KIRREL3: variants seen among roughly 807,000 people sequenced by gnomAD.
KIRREL3 encodes kirre like nephrin family adhesion molecule 3.
In KIRREL3, 36 loss-of-function variants were observed where a neutral mutation model predicts 89.7. The observed-to-expected ratio is 0.40, with a 90% CI of 0.31 to 0.53. The LOEUF is 0.53. Ranked by LOEUF, KIRREL3 falls within the 20% of genes least tolerant of loss-of-function variation. KIRREL3 has a pLI of 0.49. For missense variants in KIRREL3, 864 were observed against 1,056.6 expected (o/e 0.82, Z 2.53); for synonymous variants, 445 against 441.4 (o/e 1.01, Z -0.10).
At chr11:126,593,515 T>C (rs1310458260) in intron 1 of KIRREL3, among the ~76,000 whole-genome samples, 1 of 152,118 alleles carries the variant, frequency 6.6e-6, no homozygotes, top group Non-Finnish European at 1.5e-5. Flanking sequence ...CCCCTCTGGG[T>C]ACAGGTGGGC....
rs571957393 is a variant in KIRREL3, at chr11:126,702,889, G to A, written c.56-139977C>T. On this transcript the variant is annotated intron_variant, in intron 1 of 16. Transcript: ENST00000525144. ...CCCAAGTTGTTCCCAGGAGGAGAAA[G>A]CCTGTAGGAGGGGAGCAAGCTCCCA... Among the ~76,000 whole-genome samples the A allele has an allele frequency of 3.3e-5, 5 of 152,368 alleles. No homozygotes were observed. The South Asian group carries it at 1.0e-3, about 32-fold the overall frequency.
intron 1 of KIRREL3, among the ~76,000 whole-genome samples, chr11:126,572,879 G>A (rs189811770): frequency 3.9e-5 from 6 of 152,276 alleles, no homozygotes; most frequent in East Asian, 1.9e-4. Flanking sequence ...AGGGCCACAC[G>A]CTGACTTTAA....
intron 1 of KIRREL3, among the ~76,000 whole-genome samples, chr11:126,567,398 T>TA (rs908481696): frequency 2.2e-4 from 33 of 152,330 alleles, no homozygotes; most frequent in Admixed American, 2.1e-3. Flanking sequence ...GAACCAACTC[T>TA]ACTGACTTTG....
intron 4 of KIRREL3, among the ~76,000 whole-genome samples, chr11:126,497,193 AGTGTGT>A (rs367965833): frequency 5.1e-5 from 3 of 58,648 alleles, no homozygotes; most frequent in African/African-American, 2.0e-4. Context: ...TGAGAGTGTG[AGTGTGT>A]GTGAGTGTGA....
intron 1 of KIRREL3, among the ~76,000 whole-genome samples, chr11:126,848,851 C>T (rs183857966): frequency 2.6e-5 from 4 of 152,206 alleles, no homozygotes; most frequent in Non-Finnish European, 4.4e-5. Context: ...ATACAAGAGA[C>T]CTTCATAGTT....
Position 126,682,503 on chromosome 11 carries a change from G to T in KIRREL3, c.56-119591C>A, listed in dbSNP as rs2135105118. Reference sequence around the variant, plus strand: ...AGGCTTTTTTTCACCTCAAATGAGTGATGACCTCTGAGTGCGGAGCTTTTT... The same window carrying T: ...AGGCTTTTTTTCACCTCAAATGAGTTATGACCTCTGAGTGCGGAGCTTTTT... On this transcript the variant is annotated intron_variant, in intron 1 of 16. Coordinates refer to ENST00000525144, the MANE Select transcript of KIRREL3 (RefSeq NM_032531.4). The surrounding 1 kb of genome is among the most constrained non-coding windows in gnomAD (Gnocchi z 4.8). Among the ~76,000 whole-genome samples, 1 of 152,270 alleles carries T rather than the reference G, an allele frequency of 6.6e-6. No individual in the cohort carries two copies. The highest frequency in any genetic ancestry group is 3.4e-3 in the Middle Eastern group (1 of 294).
Position 126,830,744 on chromosome 11 carries a change from A to G in KIRREL3, c.55+169711T>C, listed in dbSNP as rs534742107. Reference sequence around the variant, plus strand: ...GCTGAATGTGAAAGCTCTTGAAATGATTTCTTCTCAAATAGTGCACTCCCT... The same window carrying G: ...GCTGAATGTGAAAGCTCTTGAAATGGTTTCTTCTCAAATAGTGCACTCCCT... On this transcript the variant is annotated intron_variant, in intron 1 of 16. Transcript: ENST00000525144. This position sits in a 1 kb window ranked among gnomAD's most constrained non-coding sequence, Gnocchi z 4.9. 6.6e-6 allele frequency among the ~76,000 whole-genome samples: 1 copy of G among 152,232 alleles called. No homozygotes were observed. Among genetic ancestry groups the G allele is most frequent in the Non-Finnish European group, 1.5e-5 (1 of 68,022 alleles).
rs1213578714 is a variant in KIRREL3 at position 126,623,636 on chromosome 11, T to C, written c.56-60724A>G. On this transcript the variant is annotated intron_variant, in intron 1 of 16. Transcript: ENST00000525144. The surrounding 1 kb of genome is among the most constrained non-coding windows in gnomAD (Gnocchi z 4.1). ...TGGGCCAGCAAGGATGCGGGGAGGA[T>C]ACCTGTGGTCAGGACCAGGTTGTGT... Among the ~76,000 whole-genome samples the C allele has an allele frequency of 6.6e-6, 1 of 152,020 alleles. No homozygotes were observed. The highest frequency in any genetic ancestry group is 1.9e-4 in the East Asian group (1 of 5,170).
rs1204407361 is a variant in KIRREL3 at position 126,834,345 on chromosome 11, G to A, written c.55+166110C>T. On this transcript the variant is annotated intron_variant, in intron 1 of 16. Coordinates refer to ENST00000525144, the MANE Select transcript of KIRREL3 (RefSeq NM_032531.4). ...CACCAGAATGAGTCAGAGCTAGGCT[G>A]AAACTATTAATCGGTATCGTGGTTA... Among the ~76,000 whole-genome samples, 6 of 152,206 alleles carry A rather than the reference G, an allele frequency of 3.9e-5. 1 individual carries two copies. The highest frequency in any genetic ancestry group is 3.9e-4 in the Admixed American group (6 of 15,282).
At chr11:126,757,981 TG>T (rs1949559336) in intron 1 of KIRREL3, among the ~76,000 whole-genome samples, 1 of 152,174 alleles carries the variant, frequency 6.6e-6, no homozygotes, top group African/African-American at 2.4e-5. Context: ...GCAAGGGTGG[TG>T]GGGAAAAGCA....
At chr11:126,919,100 A>C (rs1241460303) in intron 1 of KIRREL3, among the ~76,000 whole-genome samples, 2 of 151,960 alleles carry the variant, frequency 1.3e-5, no homozygotes, top group Non-Finnish European at 2.9e-5. Flanking sequence ...TTTAACATCA[A>C]CTTAGGTTTT....
rs2134246734 is a variant in KIRREL3 at position 126,752,231 on chromosome 11, A to C, written c.56-189319T>G. Among the ~76,000 whole-genome samples, 1 of 152,258 alleles carries C rather than the reference A, an allele frequency of 6.6e-6. No homozygotes were observed. Among genetic ancestry groups the C allele is most frequent in the African/African-American group, 2.4e-5 (1 of 41,558 alleles). ...TTGGGGGGGTTTCTTGAAGCATTGT[A>C]GCTCCCATTATTCTCTTAAACCAAT... On this transcript the variant is annotated intron_variant, in intron 1 of 16. Transcript: ENST00000525144. The surrounding 1 kb of genome is among the most constrained non-coding windows in gnomAD (Gnocchi z 4.8).
In KIRREL3 at chr11:126,917,868, C is replaced by T. The variant is rs1334739472; in HGVS notation, c.55+82587G>A. On this transcript the variant is annotated intron_variant, in intron 1 of 16. Transcript: ENST00000525144. The surrounding 1 kb of genome is among the most constrained non-coding windows in gnomAD (Gnocchi z 5.0). ...TGGTAAAAACAGTGGCATTTCTGTT[C>T]CCTCCTCCACCCCAGTTGCACGCTT... Among the ~76,000 whole-genome samples, 4 of 152,172 alleles carry T rather than the reference C, an allele frequency of 2.6e-5. No individual in the cohort carries two copies. The highest frequency in any genetic ancestry group is 5.9e-5 in the Non-Finnish European group (4 of 68,020).
In KIRREL3 at chr11:126,773,927, C is replaced by A. The variant is rs1164405813; in HGVS notation, c.56-211015G>T. On this transcript the variant is annotated intron_variant, in intron 1 of 16. Transcript: ENST00000525144. The surrounding 1 kb of genome is among the most constrained non-coding windows in gnomAD (Gnocchi z 4.2). ...TGAGGAGGTTGTGCACTTGTCCACTCTTAACTCTTTTTTACTATTGAATAT... is the reference window on the plus strand; with the variant it reads ...TGAGGAGGTTGTGCACTTGTCCACTATTAACTCTTTTTTACTATTGAATAT... Among the ~76,000 whole-genome samples, 1 of 152,142 alleles carries A rather than the reference C, an allele frequency of 6.6e-6. No homozygotes were observed. Among genetic ancestry groups the A allele is most frequent in the Non-Finnish European group, 1.5e-5 (1 of 68,046 alleles).
At chr11:126,853,632 T>TATG (rs750028062) in intron 1 of KIRREL3, among the ~76,000 whole-genome samples, 1 of 152,182 alleles carries the variant, frequency 6.6e-6, no homozygotes, top group Non-Finnish European at 1.5e-5. Context: ...AAGACAGCTC[T>TATG]TCATATTCAC....
chr11:126,584,706 C>T (rs1242344410), intron 1 of KIRREL3, among the ~76,000 whole-genome samples: 1 of 152,074 alleles, frequency 6.6e-6, no homozygotes, highest in Non-Finnish European at 1.5e-5. Context: ...GGTGGGGTGT[C>T]GTTTAGATCT....
intron 1 of KIRREL3, among the ~76,000 whole-genome samples, chr11:126,757,680 C>T (rs1324001921): frequency 6.6e-6 from 1 of 151,822 alleles, no homozygotes; most frequent in African/African-American, 2.4e-5. Flanking sequence ...TAATAGGGCT[C>T]ATGAGTGTCT....
intron 4 of KIRREL3, among the ~76,000 whole-genome samples, chr11:126,499,992 C>T (rs1040571680): frequency 6.6e-6 from 1 of 152,158 alleles, no homozygotes; most frequent in African/African-American, 2.4e-5. Context: ...TTTTGCACAT[C>T]GTAAGCATTT....
In KIRREL3 at chr11:126,429,736, A is replaced by G. The variant is rs1009683667; in HGVS notation, c.1697-448T>C. Reference sequence around the variant, plus strand: ...GCCCATGGCCAACCCCCATCCAAAGAGAAACGCCCCTGAGGCAGTGGGCAG... The same window carrying G: ...GCCCATGGCCAACCCCCATCCAAAGGGAAACGCCCCTGAGGCAGTGGGCAG... On this transcript the variant is annotated intron_variant, in intron 14 of 16. Transcript: ENST00000525144. This position sits in a 1 kb window ranked among gnomAD's most constrained non-coding sequence, Gnocchi z 5.2. Among the ~76,000 whole-genome samples the G allele has an allele frequency of 6.6e-6, 1 of 152,194 alleles. No homozygotes were observed. The highest frequency in any genetic ancestry group is 2.4e-5 in the African/African-American group (1 of 41,432).
Sources: gnomAD v4.1 joint callset for allele counts (sites outside exome capture counted in the v4.1 genomes callset) on GRCh38, gnomAD v4.1.1 for gene constraint, Gnocchi (gnomAD v3.1) non-coding constraint, MANE v1.5 for transcripts, NCBI Gene and HGNC (gene_info 2026-07-23, HGNC 2026-07-21) for gene names.